Variants in WWC2 observed in about 807,000 individuals in gnomAD.
WWC2 encodes the protein WW and C2 domain containing 2.
A neutral mutation model predicts 138.5 loss-of-function variants in WWC2; 101 were observed. The observed-to-expected ratio is 0.73, with a 90% CI of 0.62 to 0.86. The LOEUF is 0.86. Ranked by LOEUF, WWC2 falls within the 40% of genes least tolerant of loss-of-function variation. The pLI, the probability that WWC2 is intolerant of heterozygous loss-of-function variation, is 0.00. For missense variants in WWC2, 1,420 were observed against 1,419.4 expected, an observed-to-expected ratio of 1.00 and a Z score of -0.01; for synonymous variants, 558 against 538.4, an observed-to-expected ratio of 1.04 and a Z score of -0.50.
rs377558642 is a variant in WWC2 at position 183,214,568 on chromosome 4, G to A, written c.522+5543G>A. On this transcript the variant is annotated intron_variant, in intron 4 of 22. Coordinates refer to ENST00000403733, the MANE Select transcript of WWC2 (RefSeq NM_024949.6). ...AGCACTTTGGGAGGTCGAGGTGGGC[G>A]GATCACCTGAGGTCGGGAGTTCGAG... 1.0e-3 allele frequency among the ~76,000 whole-genome samples: 154 copies of A among 152,116 alleles called. 1 individual carries two copies. Among genetic ancestry groups the A allele is most frequent in the Non-Finnish European group, 1.6e-3 (110 of 67,998 alleles).
At chr4:183,210,204 T>C (rs888328367) in intron 4 of WWC2, among the ~76,000 whole-genome samples, 2 of 152,224 alleles carry the variant, frequency 1.3e-5, no homozygotes, top group Admixed American at 6.5e-5. Flanking sequence ...GGAACACTTA[T>C]ATGTTGACCC....
At chr4:183,267,376 A>G (rs892110358) in intron 14 of WWC2, among the ~76,000 whole-genome samples, 1 of 152,350 alleles carries the variant, frequency 6.6e-6, no homozygotes, top group Middle Eastern at 3.4e-3. Flanking sequence ...AGCGGTGTCC[A>G]GGAAGACTGG....
intron 1 of WWC2, among the ~76,000 whole-genome samples, chr4:183,125,711 G>A (rs561991454): frequency 5.3e-5 from 8 of 152,248 alleles, no homozygotes; most frequent in South Asian, 4.1e-4. Context: ...AGAAAACTCC[G>A]TACAGTCTTT....
rs368183743 is a variant in WWC2, at chr4:183,169,127, C to T, written c.132-24472C>T. On this transcript the variant is annotated intron_variant, in intron 1 of 22. Transcript: ENST00000403733. ...CCTCCCAAAGTGCCAGGATTGCAGG[C>T]GTGAACCACCACGCCCAGCCTCTAA... Among the ~76,000 whole-genome samples, 4 of 152,282 alleles carry T rather than the reference C, an allele frequency of 2.6e-5. No individual in the cohort carries two copies. In the South Asian group the frequency reaches 8.3e-4, roughly 32 times the overall value.
chr4:183,231,173 A>G (rs1387408775), intron 4 of WWC2, among the ~76,000 whole-genome samples: 1 of 151,370 alleles, frequency 6.6e-6, no homozygotes, highest in Non-Finnish European at 1.5e-5. Context: ...GGCTTATCCT[A>G]GGAATATACA....
intron 9 of WWC2, among the ~76,000 whole-genome samples, chr4:183,257,008 A>T (rs1737172433): frequency 6.6e-6 from 1 of 151,150 alleles, no homozygotes; most frequent in African/African-American, 2.4e-5. Flanking sequence ...ATGGTGAAGC[A>T]TTGCCAGGCC....
intron 1 of WWC2, among the ~76,000 whole-genome samples, chr4:183,141,530 A>G (rs1430169417): frequency 4.6e-5 from 7 of 152,304 alleles, no homozygotes; most frequent in African/African-American, 2.4e-5. Flanking sequence ...GGAGGCAAAT[A>G]TATAGCATCC....
chr4:183,289,173 A>G (rs550012529), intron 20 of WWC2, among the ~76,000 whole-genome samples: 4 of 152,296 alleles, frequency 2.6e-5, no homozygotes, highest in Non-Finnish European at 5.9e-5. Flanking sequence ...GGGGACAGAA[A>G]TGTGCACCTC....
intron 1 of WWC2, among the ~76,000 whole-genome samples, chr4:183,166,433 G>A (rs1212154180): frequency 2.0e-5 from 3 of 152,184 alleles, no homozygotes; most frequent in African/African-American, 7.2e-5. Flanking sequence ...ATTCTGGACA[G>A]TGCTCTTCAC....
At chr4:183,246,113 C>A (rs931833493) in intron 6 of WWC2, among the ~76,000 whole-genome samples, 2 of 152,202 alleles carry the variant, frequency 1.3e-5, no homozygotes, top group Non-Finnish European at 2.9e-5. Flanking sequence ...TAAACCTGTT[C>A]ACTTCTCAGC....
chr4:183,216,815 A>G (rs1378122157), intron 4 of WWC2, among the ~76,000 whole-genome samples: 1 of 152,224 alleles, frequency 6.6e-6, no homozygotes, highest in African/African-American at 2.4e-5. Context: ...AGAGCAGGCA[A>G]GTGCCAGTCT....
rs1423876816 is a variant in WWC2, at chr4:183,261,456, A to C, written c.1833A>C (p.Gly611=). ...ENQILLDSDS[G]GASQSLSEDK... ...AGATTTTGCTGGATTCTGATTCAGGAGGAGCCTCCCAGTCTCTTTCAGAGG... is the reference window on the plus strand; with the variant it reads ...AGATTTTGCTGGATTCTGATTCAGGCGGAGCCTCCCAGTCTCTTTCAGAGG... The change falls in exon 11 of 23, where the codon GGA becomes GGC. Residue 611 remains glycine (G), a synonymous_variant. Coordinates refer to ENST00000403733, the MANE Select transcript of WWC2 (RefSeq NM_024949.6). 5.6e-6 allele frequency: 9 copies of C among 1,612,598 alleles called. No individual in the cohort carries two copies. The highest frequency in any genetic ancestry group is 1.3e-5 in the African/African-American group (1 of 75,054).
chr4:183,224,967 A>C (rs1243737679), intron 4 of WWC2, among the ~76,000 whole-genome samples: 2 of 152,164 alleles, frequency 1.3e-5, no homozygotes, highest in African/African-American at 4.8e-5. Flanking sequence ...AACTTTTCCT[A>C]TCTTGTGATA....
intron 6 of WWC2, among the ~76,000 whole-genome samples, chr4:183,246,922 AT>A (rs889397891): frequency 1.3e-5 from 2 of 152,216 alleles, no homozygotes; most frequent in African/African-American, 4.8e-5. Flanking sequence ...GAACCTTCTA[AT>A]TCAACAATTT....
Position 183,265,099 on chromosome 4 carries a change from C to T in WWC2, c.2031C>T (p.Phe677=), listed in dbSNP as rs148638637. The T allele has an allele frequency of 2.6e-4, 420 of 1,606,908 alleles. 1 individual carries two copies. The East Asian group carries it at 4.8e-3, about 18-fold the overall frequency. The change falls in exon 12 of 23, where the codon TTC becomes TTT. Residue 677 remains phenylalanine (F), a synonymous_variant. Coordinates refer to ENST00000403733, the MANE Select transcript of WWC2 (RefSeq NM_024949.6). ...GAGACAGTGGGGTCTATGAAGCTTTCGTGAAACAGTAAGGATTCAGCAGGG... is the reference window on the plus strand; with the variant it reads ...GAGACAGTGGGGTCTATGAAGCTTTTGTGAAACAGTAAGGATTCAGCAGGG... ...VAGDSGVYEA[F]VKQPSEMEDV...
chr4:183,282,662 G>A (rs191059278), intron 17 of WWC2, 46 bp from the exon 18 acceptor site: 21,095 of 1,540,710 alleles, frequency 0.014, 181 homozygotes, highest in South Asian at 0.023. Flanking sequence ...CGTGTTCATG[G>A]AGCATGCCTG....
intron 21 of WWC2, among the ~76,000 whole-genome samples, chr4:183,304,568 C>T (rs62357979): frequency 0.19 from 28,622 of 152,122 alleles, 3,559 homozygotes; most frequent in Middle Eastern, 0.37. Flanking sequence ...ACTTAACTGA[C>T]TTTGGTAAGG....
intron 9 of WWC2, among the ~76,000 whole-genome samples, chr4:183,258,628 A>T (rs1482073442): frequency 6.6e-6 from 1 of 152,206 alleles, no homozygotes; most frequent in African/African-American, 2.4e-5. Context: ...GCACTTTCTC[A>T]TACATTACTC....
At chr4:183,158,924 T>C (rs553751252) in intron 1 of WWC2, among the ~76,000 whole-genome samples, 1 of 152,256 alleles carries the variant, frequency 6.6e-6, no homozygotes, top group East Asian at 1.9e-4. Flanking sequence ...ACCAGATGAA[T>C]GGGTGTGGCT....
Sources: allele counts gnomAD v4.1 joint callset (sites outside exome capture counted in the v4.1 genomes callset), GRCh38; gene constraint gnomAD v4.1.1; transcripts MANE v1.5; gene names NCBI Gene and HGNC (gene_info 2026-07-23, HGNC 2026-07-21).